Variants in BRIP1 observed in about 807,000 individuals in gnomAD.
The protein encoded by BRIP1 is Fanconi anemia group J protein.
BRIP1 carries 88 observed loss-of-function variants against 119.7 expected under a neutral mutation model. The ratio of observed to expected loss-of-function variants is 0.74; its 90% CI spans 0.62 to 0.88. BRIP1 has a LOEUF of 0.88. Ranked by LOEUF, BRIP1 falls within the 40% of genes least tolerant of loss-of-function variation. The pLI is 0.00. For missense variants in BRIP1, 1,259 were observed against 1,455.4 expected, an observed-to-expected ratio of 0.87 and a Z score of 2.20; for synonymous variants, 443 against 496.5, an observed-to-expected ratio of 0.89 and a Z score of 1.43.
In BRIP1 at chr17:61,807,091, G is replaced by A. The variant is rs1255676099; in HGVS notation, c.918+1376C>T. Among the ~76,000 whole-genome samples, 1 of 152,130 alleles carries A rather than the reference G, an allele frequency of 6.6e-6. No homozygotes were observed. The highest frequency in any genetic ancestry group is 1.5e-5 in the Non-Finnish European group (1 of 68,032). On this transcript the variant is annotated intron_variant, in intron 7 of 19. Coordinates refer to ENST00000259008, the MANE Select transcript of BRIP1 (RefSeq NM_032043.3). The surrounding 1 kb of genome is among the most constrained non-coding windows in gnomAD (Gnocchi z 4.5). ...CAATGCCAGCAAGTCTTCTTGCATA[G>A]GCTATATAGCCAAAAAATAAATTTC...
In BRIP1 at chr17:61,844,368, G is replaced by A. The variant is rs180953483; in HGVS notation, c.627+2733C>T. 2.6e-5 allele frequency among the ~76,000 whole-genome samples: 4 copies of A among 152,224 alleles called. No individual in the cohort carries two copies. The highest frequency in any genetic ancestry group is 5.9e-5 in the Non-Finnish European group (4 of 68,014). ...GGGAGGCCCAGGCAAGAGGATCACT[G>A]GAGGCCATGAGTTTGAGACCAACCT... On this transcript the variant is annotated intron_variant, in intron 6 of 19. Transcript: ENST00000259008. This position sits in a 1 kb window ranked among gnomAD's most constrained non-coding sequence, Gnocchi z 4.7.
chr17:61,861,849 A>G lies in BRIP1; in HGVS notation c.-30-280T>C. The G allele has an allele frequency of 2.2e-6, 1 of 456,712 alleles. No individual in the cohort carries two copies. The highest frequency in any genetic ancestry group is 2.1e-5 in the South Asian group (1 of 46,830). The allele number at this position is 456,712 out of a possible 1,614,324, so 28.3% of individuals were successfully genotyped here. A position where few individuals can be genotyped will look rare whatever the true frequency, so the allele number is the denominator to read the frequency against. On this transcript the variant is annotated intron_variant, in intron 1 of 19. Coordinates refer to ENST00000259008, the MANE Select transcript of BRIP1 (RefSeq NM_032043.3). The surrounding 1 kb of genome is among the most constrained non-coding windows in gnomAD (Gnocchi z 4.5). ...TCTCTAAGCCACAGTGACTGCATGT[A>G]CCCCATAGGATTGTGGTAATGATTA...
intron 6 of BRIP1, among the ~76,000 whole-genome samples, chr17:61,836,108 CTTTTTTTTTTTTT>C (rs71153409): frequency 2.5e-5 from 2 of 79,090 alleles, no homozygotes; most frequent in African/African-American, 1.0e-4. Flanking sequence ...TGTTATTACT[CTTTTTTTTTTTTT>C]TTTTTTTTTG....
At position 61,834,481 on chromosome 17, in the gene BRIP1, A is replaced by G. The variant is rs1410786043; in HGVS notation, c.627+12620T>C. Among the ~76,000 whole-genome samples the G allele has an allele frequency of 6.6e-6, 1 of 152,138 alleles. No individual in the cohort carries two copies. Among genetic ancestry groups the G allele is most frequent in the South Asian group, 2.1e-4 (1 of 4,828 alleles). On this transcript the variant is annotated intron_variant, in intron 6 of 19. Transcript: ENST00000259008. This position sits in a 1 kb window ranked among gnomAD's most constrained non-coding sequence, Gnocchi z 4.4. ...TATACTCAGTTGATACTGGGTATAT[A>G]TGTAATATATACTACGTAACAAAAA...
intron 17 of BRIP1, among the ~76,000 whole-genome samples, chr17:61,697,333 TCTCAAAAAAAAA>T (rs2061542348): frequency 1.8e-5 from 1 of 56,488 alleles, no homozygotes; most frequent in Non-Finnish European, 3.1e-5. Flanking sequence ...TGAGACTCTG[TCTCAAAAAAAAA>T]AAAAAAAAAA....
In BRIP1 at chr17:61,810,365, T is replaced by C. The variant is rs1269562642; in HGVS notation, c.628-1608A>G. On this transcript the variant is annotated intron_variant, in intron 6 of 19. Transcript: ENST00000259008. This position sits in a 1 kb window ranked among gnomAD's most constrained non-coding sequence, Gnocchi z 4.7. ...CACAGAGAAAATGGAATGCAAATTA[T>C]ATCATGATATTTCTGACTGAATTCT... is the stretch of plus-strand genomic sequence containing the variant. Among the ~76,000 whole-genome samples, 4 of 152,230 alleles carry C rather than the reference T, an allele frequency of 2.6e-5. No individual in the cohort carries two copies. The highest frequency in any genetic ancestry group is 9.6e-5 in the African/African-American group (4 of 41,452).
chr17:61,750,419 G>GA (rs1435297350), intron 14 of BRIP1, among the ~76,000 whole-genome samples: 1 of 151,774 alleles, frequency 6.6e-6, no homozygotes, highest in Non-Finnish European at 1.5e-5. Context: ...AACTCTAAAA[G>GA]AAAAAAATAG....
chr17:61,849,993 C>G (rs2145773715), intron 4 of BRIP1, among the ~76,000 whole-genome samples: 1 of 152,260 alleles, frequency 6.6e-6, no homozygotes, highest in East Asian at 1.9e-4. Context: ...TGGTTTCTCC[C>G]TTTTCCTAAA....
chr17:61,848,999 C>A lies in BRIP1; in HGVS notation c.507+130G>T, dbSNP rs777130132. The A allele has an allele frequency of 9.6e-7, 1 of 1,045,318 alleles. No individual in the cohort carries two copies. The highest frequency in any genetic ancestry group is 1.4e-6 in the Non-Finnish European group (1 of 691,246). The allele number at this position is 1,045,318 out of a possible 1,614,324, so 64.8% of individuals were successfully genotyped here. On this transcript the variant is annotated intron_variant, in intron 5 of 19. Transcript: ENST00000259008. This position sits in a 1 kb window ranked among gnomAD's most constrained non-coding sequence, Gnocchi z 4.3. ...CAAGTAACTCTACAAAATGAAATTA[C>A]AACAAATTATTAATTTATGGCTGTC...
At chr17:61,702,872 G>A (rs2061635053) in intron 17 of BRIP1, among the ~76,000 whole-genome samples, 1 of 151,666 alleles carries the variant, frequency 6.6e-6, no homozygotes, top group Non-Finnish European at 1.5e-5. Flanking sequence ...ACTTCTTTCA[G>A]AAATCAACAA....
intron 10 of BRIP1, among the ~76,000 whole-genome samples, chr17:61,785,667 C>T (rs1417153565): frequency 6.6e-6 from 1 of 151,862 alleles, no homozygotes; most frequent in Non-Finnish European, 1.5e-5. Context: ...AATATTCAGC[C>T]CTGCAATGAA....
rs2061999101 is a variant in BRIP1 at position 61,722,605 on chromosome 17, A to C, written c.2380-6542T>G. ...AAAGTTGACATCTACTTTGTCAGAC[A>C]TAATAGCTTATGTGTTTTCAAAATT... On this transcript the variant is annotated intron_variant, in intron 16 of 19. Transcript: ENST00000259008. This position sits in a 1 kb window ranked among gnomAD's most constrained non-coding sequence, Gnocchi z 4.6. Among the ~76,000 whole-genome samples the C allele has an allele frequency of 6.6e-6, 1 of 152,236 alleles. No homozygotes were observed. The highest frequency in any genetic ancestry group is 2.4e-5 in the African/African-American group (1 of 41,462).
Position 61,848,985 on chromosome 17 carries a change from A to G in BRIP1, c.507+144T>C, listed in dbSNP as rs1183310064. 1 of 957,026 alleles carries G rather than the reference A, an allele frequency of 1.0e-6. No homozygotes were observed. The highest frequency in any genetic ancestry group is 1.5e-5 in the South Asian group (1 of 65,934). 59.3% of individuals were successfully genotyped at this position (957,026 alleles called of 1,614,324 possible). The stretch of plus-strand genomic sequence containing the variant: ...AAACTCCTTTGTAACAAGTAACTCT[A>G]CAAAATGAAATTACAACAAATTATT... On this transcript the variant is annotated intron_variant, in intron 5 of 19. Transcript: ENST00000259008. This position sits in a 1 kb window ranked among gnomAD's most constrained non-coding sequence, Gnocchi z 4.3.
At position 61,720,958 on chromosome 17, in the gene BRIP1, C is replaced by G. The variant is rs1416222021; in HGVS notation, c.2380-4895G>C. Among the ~76,000 whole-genome samples, 1 of 151,980 alleles carries G rather than the reference C, an allele frequency of 6.6e-6. No homozygotes were observed. The highest frequency in any genetic ancestry group is 1.5e-5 in the Non-Finnish European group (1 of 68,004). On this transcript the variant is annotated intron_variant, in intron 16 of 19. Transcript: ENST00000259008. The surrounding 1 kb of genome is among the most constrained non-coding windows in gnomAD (Gnocchi z 4.3). ...TCCCAGGTTCAAGCAGTTCTCCTCT[C>G]AGCCTCCCAAGTAGCTGGGACTACA...
In BRIP1 at chr17:61,745,865, C is replaced by T. The variant is rs2077051921; in HGVS notation, c.2098-1274G>A. ...TGTCAAAATAAAAGAATCAAGTATT[C>T]TTTCCAAGAAGCTAGAAAATGAAAT... On this transcript the variant is annotated intron_variant, in intron 14 of 19. Transcript: ENST00000259008. This position sits in a 1 kb window ranked among gnomAD's most constrained non-coding sequence, Gnocchi z 4.4. Among the ~76,000 whole-genome samples the T allele has an allele frequency of 6.6e-6, 1 of 152,040 alleles. No individual in the cohort carries two copies. The highest frequency in any genetic ancestry group is 2.4e-5 in the African/African-American group (1 of 41,408).
At position 61,739,264 on chromosome 17, in the gene BRIP1, C is replaced by G; in HGVS notation, c.2379+3749G>C. ...ACTCTACTTCAGTGGAATGCAGCACCAATGCTGTTGATGGTGACAGTAGAT... is the reference window on the plus strand; with the variant it reads ...ACTCTACTTCAGTGGAATGCAGCACGAATGCTGTTGATGGTGACAGTAGAT... On this transcript the variant is annotated intron_variant, in intron 16 of 19. Coordinates refer to ENST00000259008, the MANE Select transcript of BRIP1 (RefSeq NM_032043.3). The surrounding 1 kb of genome is among the most constrained non-coding windows in gnomAD (Gnocchi z 6.0). The G allele has an allele frequency of 5.0e-6, 1 of 199,066 alleles. No homozygotes were observed. The highest frequency in any genetic ancestry group is 1.0e-5 in the Non-Finnish European group (1 of 96,158). The allele number at this position is 199,066 out of a possible 1,614,324, so 12.3% of individuals were successfully genotyped here. A position where few individuals can be genotyped will look rare whatever the true frequency, so the allele number is the denominator to read the frequency against.
At position 61,721,463 on chromosome 17, in the gene BRIP1, G is replaced by T. The variant is rs1253876619; in HGVS notation, c.2380-5400C>A. Among the ~76,000 whole-genome samples, 4 of 150,096 alleles carry T rather than the reference G, an allele frequency of 2.7e-5. No individual in the cohort carries two copies. In the South Asian group the frequency reaches 8.4e-4, roughly 32 times the overall value. ...TTTTTGTATTTTTAGTAGAGACAAG[G>T]TTTCACCATGTTGACCAGGATGGTC... On this transcript the variant is annotated intron_variant, in intron 16 of 19. Transcript: ENST00000259008.
chr17:61,744,356 A>G lies in BRIP1; in HGVS notation c.2257+76T>C, dbSNP rs562231525. ...TCTTAAGTGTAATTCATCTAAAAATATAAAATTATAATTGTACCTTCTTAC... is the reference window on the plus strand; with the variant it reads ...TCTTAAGTGTAATTCATCTAAAAATGTAAAATTATAATTGTACCTTCTTAC... On this transcript the variant is annotated intron_variant, in intron 15 of 19. Coordinates refer to ENST00000259008, the MANE Select transcript of BRIP1 (RefSeq NM_032043.3). This position sits in a 1 kb window ranked among gnomAD's most constrained non-coding sequence, Gnocchi z 5.0. The G allele has an allele frequency of 1.0e-4, 149 of 1,470,908 alleles. No homozygotes were observed. In the Middle Eastern group the frequency reaches 1.7e-3, roughly 16 times the overall value. The allele number at this position is 1,470,908 out of a possible 1,614,324, so 91.1% of individuals were successfully genotyped here. A position where few individuals can be genotyped will look rare whatever the true frequency, so the allele number is the denominator to read the frequency against.
chr17:61,715,128 C>T (rs1021182907), intron 17 of BRIP1, among the ~76,000 whole-genome samples: 3 of 148,716 alleles, frequency 2.0e-5, no homozygotes, highest in Non-Finnish European at 3.0e-5. Context: ...TGAACCTGGG[C>T]GGTGGAGGAT....
Sources: allele counts gnomAD v4.1 joint callset (sites outside exome capture counted in the v4.1 genomes callset), GRCh38; gene constraint gnomAD v4.1.1; non-coding constraint Gnocchi (gnomAD v3.1); transcripts MANE v1.5; gene names NCBI Gene and HGNC (gene_info 2026-07-23, HGNC 2026-07-21).